DRC11: variants seen among roughly 807,000 people sequenced by gnomAD.
DRC11 encodes the protein IQ and AAA domain-containing protein 1.
At chr2:236,377,067 C>T in the DRC11 span, 31 of 1,309,490 alleles carry the variant, frequency 2.4e-5, no homozygotes, top group African/African-American at 7.3e-5. This position sits in a 1 kb window ranked among gnomAD's most constrained non-coding sequence, Gnocchi z 4.9. Context: ...AGAGGTGACA[C>T]GTGACACATA....
the DRC11 span, among the ~76,000 whole-genome samples, chr2:236,423,177 C>T: frequency 7.2e-5 from 11 of 151,762 alleles, no homozygotes; most frequent in Admixed American, 7.2e-4. Flanking sequence ...AAAGCAATGG[C>T]AACCAAAGCC....
At chr2:236,493,607 C>T in the DRC11 span, among the ~76,000 whole-genome samples, 9 of 152,166 alleles carry the variant, frequency 5.9e-5, no homozygotes, top group African/African-American at 1.9e-4. Context: ...ACCAAAAGCA[C>T]ATCCAAAAGT....
chr2:236,415,043 AC>A, the DRC11 span, among the ~76,000 whole-genome samples: 1 of 152,250 alleles, frequency 6.6e-6, no homozygotes, highest in East Asian at 1.9e-4. This position sits in a 1 kb window ranked among gnomAD's most constrained non-coding sequence, Gnocchi z 5.7. Flanking sequence ...TTAATTTGTA[AC>A]GATCTCATGG....
chr2:236,338,294 C>T, the DRC11 span: 45 of 1,613,952 alleles, frequency 2.8e-5, no homozygotes, highest in African/African-American at 1.1e-4. Flanking sequence ...GAAGGGACGC[C>T]GTGTGGTCCC....
chr2:236,317,266 TGCCTGGC>T, the DRC11 span, among the ~76,000 whole-genome samples: 1 of 151,092 alleles, frequency 6.6e-6, no homozygotes, highest in African/African-American at 2.4e-5. This position sits in a 1 kb window ranked among gnomAD's most constrained non-coding sequence, Gnocchi z 5.4. Context: ...ACTGCACTCC[TGCCTGGC>T]GACAGAGTGA....
At chr2:236,420,153 C>T in the DRC11 span, among the ~76,000 whole-genome samples, 1 of 152,194 alleles carries the variant, frequency 6.6e-6, no homozygotes, top group Non-Finnish European at 1.5e-5. The surrounding 1 kb of genome is among the most constrained non-coding windows in gnomAD (Gnocchi z 4.8). Context: ...TTTGCTGCTA[C>T]ACCAGACGCA....
At chr2:236,352,286 G>A in the DRC11 span, among the ~76,000 whole-genome samples, 1 of 152,138 alleles carries the variant, frequency 6.6e-6, no homozygotes, top group African/African-American at 2.4e-5. The surrounding 1 kb of genome is among the most constrained non-coding windows in gnomAD (Gnocchi z 7.0). Flanking sequence ...GGAGGGAACA[G>A]AGCCAGGTGA....
the DRC11 span, chr2:236,324,464 T>TA: frequency 2.3e-6 from 1 of 434,680 alleles, no homozygotes; most frequent in Non-Finnish European, 4.2e-6. The surrounding 1 kb of genome is among the most constrained non-coding windows in gnomAD (Gnocchi z 5.7). Context: ...AACACCCAGC[T>TA]AGGTGTCCAG....
At chr2:236,464,573 TAAGAACATTA>T in the DRC11 span, among the ~76,000 whole-genome samples, 1 of 152,232 alleles carries the variant, frequency 6.6e-6, no homozygotes, top group Non-Finnish European at 1.5e-5. Flanking sequence ...ACATTTCATT[TAAGAACATTA>T]AAGAACACCC....
At chr2:236,465,544 T>C in the DRC11 span, 1 of 1,614,002 alleles carries the variant, frequency 6.2e-7, no homozygotes, top group Non-Finnish European at 8.5e-7. This position sits in a 1 kb window ranked among gnomAD's most constrained non-coding sequence, Gnocchi z 6.2. Flanking sequence ...GTCTTGAAGG[T>C]TCTCCTTGAT....
At chr2:236,373,720 A>G in the DRC11 span, among the ~76,000 whole-genome samples, 1 of 152,174 alleles carries the variant, frequency 6.6e-6, no homozygotes, top group Non-Finnish European at 1.5e-5. Context: ...TGAATAGTCC[A>G]ATACTTTTAG....
chr2:236,389,044 G>C, the DRC11 span, among the ~76,000 whole-genome samples: 3 of 152,090 alleles, frequency 2.0e-5, no homozygotes, highest in Non-Finnish European at 2.9e-5. Flanking sequence ...TGCCTGCTGG[G>C]AGAACCACTG....
chr2:236,361,486 G>A, the DRC11 span, among the ~76,000 whole-genome samples: 2 of 136,330 alleles, frequency 1.5e-5, no homozygotes, highest in African/African-American at 5.8e-5. This position sits in a 1 kb window ranked among gnomAD's most constrained non-coding sequence, Gnocchi z 5.7. Context: ...TTCTATTGTG[G>A]TATATATAAC....
chr2:236,424,409 A>G, the DRC11 span, among the ~76,000 whole-genome samples: 1 of 152,132 alleles, frequency 6.6e-6, no homozygotes, highest in Non-Finnish European at 1.5e-5. Flanking sequence ...TTACATTTTC[A>G]TGGTTCACAA....
the DRC11 span, among the ~76,000 whole-genome samples, chr2:236,361,748 C>G: frequency 6.6e-6 from 1 of 152,100 alleles, no homozygotes; most frequent in African/African-American, 2.4e-5. This position sits in a 1 kb window ranked among gnomAD's most constrained non-coding sequence, Gnocchi z 5.7. Context: ...AAATGGTAGA[C>G]TGAACTCAAT....
At chr2:236,406,048 C>T in the DRC11 span, among the ~76,000 whole-genome samples, 1 of 152,136 alleles carries the variant, frequency 6.6e-6, no homozygotes, top group Non-Finnish European at 1.5e-5. The surrounding 1 kb of genome is among the most constrained non-coding windows in gnomAD (Gnocchi z 4.7). Flanking sequence ...GACCATTTTT[C>T]GTAAGTTTCC....
chr2:236,377,927 T>C, the DRC11 span, among the ~76,000 whole-genome samples: 1 of 152,228 alleles, frequency 6.6e-6, no homozygotes, highest in Non-Finnish European at 1.5e-5. This position sits in a 1 kb window ranked among gnomAD's most constrained non-coding sequence, Gnocchi z 4.9. Context: ...TCAAATATTA[T>C]TCAGTATAAT....
chr2:236,358,078 AAT>A, the DRC11 span, among the ~76,000 whole-genome samples: 3 of 120,556 alleles, frequency 2.5e-5, no homozygotes, highest in African/African-American at 3.4e-5. Context: ...ATATATTTAT[AAT>A]ATATAGATAT....
At chr2:236,358,350 C>G in the DRC11 span, among the ~76,000 whole-genome samples, 1 of 129,026 alleles carries the variant, frequency 7.8e-6, no homozygotes, top group Non-Finnish European at 1.6e-5. Context: ...TAGATATATA[C>G]TATATGAATA....
Sources: allele counts gnomAD v4.1 joint callset (sites outside exome capture counted in the v4.1 genomes callset), GRCh38; gene constraint gnomAD v4.1.1; non-coding constraint Gnocchi (gnomAD v3.1); transcripts MANE v1.5; gene names NCBI Gene and HGNC (gene_info 2026-07-23, HGNC 2026-07-21).